The following POLR3B variants were observed in gnomAD, a reference collection of about 807,000 sequenced individuals.
POLR3B encodes the protein RNA polymerase III subunit B.
Under a neutral mutation model 147.4 loss-of-function variants are expected in POLR3B, and 96 were observed. The ratio of observed to expected loss-of-function variants is 0.65; its 90% CI spans 0.55 to 0.77. The LOEUF (loss-of-function observed/expected upper bound fraction) is 0.77, where lower values mean the gene tolerates loss of function less well. POLR3B is among the 30% of genes least tolerant of loss of function. POLR3B has a pLI of 0.00. For synonymous variants in POLR3B, 461 were observed against 485.9 expected, an observed-to-expected ratio of 0.95 and a Z score of 0.67; for missense variants, 1,036 against 1,413.5, an observed-to-expected ratio of 0.73 and a Z score of 4.28.
intron 25 of POLR3B, chr12:106,499,930 C>G (rs895645908): frequency 6.0e-6 from 2 of 335,496 alleles, no homozygotes; most frequent in Non-Finnish European, 1.2e-5. Flanking sequence ...TCCTTTGCCT[C>G]TCTGCTGTGT....
At chr12:106,428,150 A>AAT (rs2037461262) in intron 13 of POLR3B, among the ~76,000 whole-genome samples, 1 of 152,214 alleles carries the variant, frequency 6.6e-6, no homozygotes, top group South Asian at 2.1e-4. Context: ...GTCCCTATTT[A>AAT]GGCACATAAA....
At chr12:106,379,614 A>G (rs191326736) in intron 8 of POLR3B, among the ~76,000 whole-genome samples, 4 of 152,356 alleles carry the variant, frequency 2.6e-5, no homozygotes, top group Non-Finnish European at 5.9e-5. Flanking sequence ...GACTGTGGGT[A>G]TATTTTGTTG....
At chr12:106,419,432 C>G (rs913921672) in intron 12 of POLR3B, among the ~76,000 whole-genome samples, 3 of 152,178 alleles carry the variant, frequency 2.0e-5, no homozygotes, top group African/African-American at 7.2e-5. Flanking sequence ...GGAGAAGATT[C>G]ATTTGCTTTG....
intron 1 of POLR3B, among the ~76,000 whole-genome samples, chr12:106,363,160 C>G (rs1210220769): frequency 6.6e-6 from 1 of 152,162 alleles, no homozygotes; most frequent in Non-Finnish European, 1.5e-5. Flanking sequence ...GTGATCTCAT[C>G]CATCACGTGC....
chr12:106,382,481 G>A (rs1010824212), intron 9 of POLR3B, among the ~76,000 whole-genome samples: 7 of 152,318 alleles, frequency 4.6e-5, no homozygotes, highest in Admixed American at 1.3e-4. Flanking sequence ...TATCATGGCA[G>A]CTATAGCCAT....
chr12:106,428,329 G>A (rs1359801826), intron 13 of POLR3B, among the ~76,000 whole-genome samples: 2 of 152,134 alleles, frequency 1.3e-5, no homozygotes, highest in Non-Finnish European at 2.9e-5. Context: ...AAAGAAAACT[G>A]CTTTACCTCC....
At chr12:106,451,441 G>A (rs1174427500) in intron 19 of POLR3B, among the ~76,000 whole-genome samples, 2 of 151,874 alleles carry the variant, frequency 1.3e-5, no homozygotes, top group South Asian at 2.1e-4. Context: ...GGCCAACATG[G>A]TGAAACCCCA....
chr12:106,398,275 A>C lies in POLR3B; in HGVS notation c.846+5122A>C, dbSNP rs191322771. ...GAGATCAAACTGCAAGGCGGCAGCG[A>C]GGCTGGGGGAGGGGCGCCCACCATT... On this transcript the variant is annotated intron_variant, in intron 10 of 27. Transcript: ENST00000228347. Among the ~76,000 whole-genome samples, 437 of 152,266 alleles carry C rather than the reference A, an allele frequency of 2.9e-3. 4 individuals carry two copies. The highest frequency in any genetic ancestry group is 9.9e-3 in the African/African-American group (412 of 41,560).
At chr12:106,442,763 T>G (rs1277734269) in intron 18 of POLR3B, among the ~76,000 whole-genome samples, 2 of 150,586 alleles carry the variant, frequency 1.3e-5, no homozygotes, top group Non-Finnish European at 2.9e-5. Context: ...TTCTTAAGGT[T>G]ACACTTCACA....
rs369783472 is a variant in POLR3B, at chr12:106,441,906, C to A, written c.1956-2557C>A. On this transcript the variant is annotated intron_variant, in intron 18 of 27. Coordinates refer to ENST00000228347, the MANE Select transcript of POLR3B (RefSeq NM_018082.6). ...GACCAACCTGACCAACATGGAGAAA[C>A]CCTATCTCTACTAAAAATACAAAAT... Among the ~76,000 whole-genome samples the A allele has an allele frequency of 3.0e-3, 449 of 152,072 alleles. 1 individual carries two copies. The highest frequency in any genetic ancestry group is 9.3e-3 in the African/African-American group (386 of 41,474).
chr12:106,402,997 G>T (rs1245387821), intron 10 of POLR3B, among the ~76,000 whole-genome samples: 2 of 151,852 alleles, frequency 1.3e-5, no homozygotes, highest in African/African-American at 2.4e-5. Context: ...CACAGCAAAA[G>T]AAACTACCAT....
chr12:106,386,997 G>A (rs755747808), intron 9 of POLR3B, among the ~76,000 whole-genome samples: 13 of 152,110 alleles, frequency 8.5e-5, no homozygotes, highest in Non-Finnish European at 1.5e-4. Context: ...ACACACAGCT[G>A]ACTTAAATCC....
chr12:106,496,589 G>A, intron 24 of POLR3B, 163 bp from the exon 25 acceptor site: 1 of 677,046 alleles, frequency 1.5e-6, no homozygotes. Context: ...TAGGGGTATT[G>A]AGAGGCGTAA....
intron 19 of POLR3B, among the ~76,000 whole-genome samples, chr12:106,445,785 T>A (rs1311798736): frequency 1.3e-5 from 2 of 152,208 alleles, no homozygotes; most frequent in Non-Finnish European, 2.9e-5. Flanking sequence ...GGCATTGCAT[T>A]GCATTTGGGT....
intron 7 of POLR3B, among the ~76,000 whole-genome samples, chr12:106,377,875 G>C (rs868233179): frequency 9.2e-5 from 14 of 152,142 alleles, no homozygotes; most frequent in Non-Finnish European, 1.6e-4. Flanking sequence ...CGGGAGGATG[G>C]CTTAAGACAG....
intron 9 of POLR3B, among the ~76,000 whole-genome samples, chr12:106,387,777 A>T (rs1372573988): frequency 6.6e-6 from 1 of 152,222 alleles, no homozygotes; most frequent in Non-Finnish European, 1.5e-5. Flanking sequence ...CATATTTTCC[A>T]GTCTCTTTAA....
rs150190990 is a variant in POLR3B, at chr12:106,436,037, G to C, written c.1782-1020G>C. Among the ~76,000 whole-genome samples, 1,007 of 152,196 alleles carry C rather than the reference G, an allele frequency of 6.6e-3. 5 individuals carry two copies. Among genetic ancestry groups the C allele is most frequent in the Non-Finnish European group, 0.012 (785 of 68,002 alleles). ...CAGCGCTCAAATGAGGCATTAGTAG[G>C]CTCTGCTTCCCTACCAAGAAGGAGC... is the stretch of plus-strand genomic sequence containing the variant. On this transcript the variant is annotated intron_variant, in intron 16 of 27. Transcript: ENST00000228347.
chr12:106,471,534 C>T (rs554765647), intron 23 of POLR3B, among the ~76,000 whole-genome samples: 3 of 152,174 alleles, frequency 2.0e-5, no homozygotes, highest in South Asian at 2.1e-4. Flanking sequence ...CAGAAATCCC[C>T]TGTCTTCTGC....
intron 22 of POLR3B, among the ~76,000 whole-genome samples, chr12:106,461,194 A>G (rs1231295476): frequency 6.6e-6 from 1 of 152,066 alleles, no homozygotes; most frequent in Admixed American, 6.6e-5. Flanking sequence ...TCCCAGTTCA[A>G]GTGATTCTCC....
Sources: allele counts gnomAD v4.1 joint callset (sites outside exome capture counted in the v4.1 genomes callset), GRCh38; gene constraint gnomAD v4.1.1; transcripts MANE v1.5; gene names NCBI Gene and HGNC (gene_info 2026-07-23, HGNC 2026-07-21).